Variants in SEMA3D observed in about 807,000 individuals in gnomAD.
SEMA3D encodes semaphorin-3D.
A neutral mutation model predicts 100.1 loss-of-function variants in SEMA3D; 84 were observed. The ratio of observed to expected loss-of-function variants is 0.84; its 90% CI spans 0.70 to 1.01. The LOEUF (loss-of-function observed/expected upper bound fraction) is 1.01. Among genes scored for constraint, SEMA3D ranks in the 50% least tolerant of loss-of-function variants. The pLI is 0.00. For missense variants in SEMA3D, 875 were observed against 934.1 expected (o/e 0.94, Z 0.82); for synonymous variants, 312 against 320.7 (o/e 0.97, Z 0.29).
In SEMA3D at chr7:85,121,830, G is replaced by A. The variant is rs1160055989; in HGVS notation, c.62C>T (p.Ala21Val). The A allele has an allele frequency of 1.2e-6, 2 of 1,608,572 alleles. No homozygotes were observed. Among genetic ancestry groups the A allele is most frequent in the South Asian group, 1.1e-5 (1 of 89,734 alleles). Residue 21 changes from alanine to valine, a missense_variant, in exon 3 of 19, where the codon GCT becomes GTT. Coordinates refer to ENST00000284136, the MANE Select transcript of SEMA3D (RefSeq NM_001384900.1). ...ARSQDFHLFP[A>V]LMMLSMTMLF... ...CATGGTCATGCTTAGCATCATCAAAGCAGGAAAAAGGTGAAAATCTTGGCT... is the reference window on the plus strand; with the variant it reads ...CATGGTCATGCTTAGCATCATCAAAACAGGAAAAAGGTGAAAATCTTGGCT...
the SEMA3D span, among the ~76,000 whole-genome samples, chr7:85,193,069 G>A: frequency 1.3e-5 from 2 of 152,026 alleles, no homozygotes; most frequent in Non-Finnish European, 2.9e-5. Context: ...ATCCCAACAA[G>A]AAGTAAAAAA....
At chr7:85,018,385 G>C in intron 14 of SEMA3D, 92 bp from the exon 15 acceptor site, 1 of 776,830 alleles carries the variant, frequency 1.3e-6, no homozygotes, top group South Asian at 1.5e-5. Flanking sequence ...ATATATCACT[G>C]AAGTAAACAT....
intron 1 of SEMA3D, among the ~76,000 whole-genome samples, chr7:85,169,761 T>G (rs969564757): frequency 6.6e-6 from 1 of 151,786 alleles, no homozygotes; most frequent in African/African-American, 2.4e-5. Context: ...TTTTCAAAAC[T>G]CTACTTACAT....
At chr7:85,120,976 T>C (rs1039137374) in intron 3 of SEMA3D, among the ~76,000 whole-genome samples, 5 of 152,310 alleles carry the variant, frequency 3.3e-5, no homozygotes, top group Non-Finnish European at 5.9e-5. Context: ...GTATTTCGTT[T>C]GTCTATAAAA....
chr7:85,200,414 T>C, the SEMA3D span, among the ~76,000 whole-genome samples: 1 of 152,198 alleles, frequency 6.6e-6, no homozygotes, highest in Non-Finnish European at 1.5e-5. Flanking sequence ...ACTCTTGTTA[T>C]GTTTTAGCAA....
intron 12 of SEMA3D, among the ~76,000 whole-genome samples, chr7:85,032,159 C>T (rs1364979129): frequency 6.6e-6 from 1 of 151,860 alleles, no homozygotes; most frequent in African/African-American, 2.4e-5. Flanking sequence ...TGGTCTTTAT[C>T]ATTCACTCCA....
At chr7:85,229,628 A>C in the SEMA3D span, among the ~76,000 whole-genome samples, 1 of 152,206 alleles carries the variant, frequency 6.6e-6, no homozygotes, top group Non-Finnish European at 1.5e-5. Flanking sequence ...AAAATGAATA[A>C]AATTTCAGTC....
chr7:85,034,341 T>A (rs1790631745), intron 12 of SEMA3D, among the ~76,000 whole-genome samples: 1 of 152,104 alleles, frequency 6.6e-6, no homozygotes, highest in Non-Finnish European at 1.5e-5. Flanking sequence ...GCATGGTGGC[T>A]CACACCTGTA....
At chr7:85,002,793 G>C (rs1214494845) in intron 18 of SEMA3D, among the ~76,000 whole-genome samples, 46 of 151,974 alleles carry the variant, frequency 3.0e-4, no homozygotes, top group Non-Finnish European at 4.4e-5. Context: ...TAGATCTTCA[G>C]TGAAGGGCAA....
intron 3 of SEMA3D, among the ~76,000 whole-genome samples, chr7:85,107,131 T>C (rs1456120492): frequency 6.6e-6 from 1 of 152,120 alleles, no homozygotes; most frequent in African/African-American, 2.4e-5. Flanking sequence ...TGTATATATG[T>C]GTAAAACTGA....
At chr7:85,167,019 A>C in intron 1 of SEMA3D, among the ~76,000 whole-genome samples, 1 of 152,074 alleles carries the variant, frequency 6.6e-6, no homozygotes, top group African/African-American at 2.4e-5. Context: ...CTTTAATTGA[A>C]AAAATGTCCT....
chr7:85,239,919 C>G, the SEMA3D span, among the ~76,000 whole-genome samples: 24 of 152,200 alleles, frequency 1.6e-4, no homozygotes, highest in African/African-American at 5.3e-4. Context: ...AAGTTATTTT[C>G]TGGATTCTTT....
chr7:85,210,844 T>C, the SEMA3D span, among the ~76,000 whole-genome samples: 33 of 152,178 alleles, frequency 2.2e-4, no homozygotes, highest in African/African-American at 7.5e-4. Context: ...ATTTGACTTA[T>C]TACTTACTAT....
At chr7:85,142,443 T>C (rs1790079595) in intron 2 of SEMA3D, 2 of 952,724 alleles carry the variant, frequency 2.1e-6, no homozygotes, top group South Asian at 9.7e-5. Flanking sequence ...ATAATTTATT[T>C]ATAAAAGACA....
At chr7:85,089,446 G>C (rs1788315160) in intron 4 of SEMA3D, among the ~76,000 whole-genome samples, 1 of 122,372 alleles carries the variant, frequency 8.2e-6, no homozygotes, top group Non-Finnish European at 1.6e-5. Flanking sequence ...CGCAATAAGT[G>C]CTATTTTGTT....
intron 12 of SEMA3D, among the ~76,000 whole-genome samples, chr7:85,035,916 G>A (rs1486293002): frequency 1.3e-5 from 2 of 151,992 alleles, no homozygotes; most frequent in African/African-American, 4.8e-5. Context: ...TGGTTGTATA[G>A]CATACTTCCC....
At chr7:85,174,956 T>C (rs1229206694) in intron 1 of SEMA3D, among the ~76,000 whole-genome samples, 1 of 152,076 alleles carries the variant, frequency 6.6e-6, no homozygotes, top group East Asian at 1.9e-4. Context: ...CTCATCCTAA[T>C]ACACTATCAA....
the SEMA3D span, among the ~76,000 whole-genome samples, chr7:85,242,413 T>C: frequency 3.2e-4 from 48 of 152,348 alleles, 1 homozygote; most frequent in Non-Finnish European, 4.1e-4. Context: ...GTCTCTGAGA[T>C]ATTTTTTATT....
At chr7:85,205,001 T>A in the SEMA3D span, among the ~76,000 whole-genome samples, 1 of 152,152 alleles carries the variant, frequency 6.6e-6, no homozygotes, top group Admixed American at 6.6e-5. Context: ...AGATGCTATC[T>A]CAATGTGGTT....
Sources: allele counts gnomAD v4.1 joint callset (sites outside exome capture counted in the v4.1 genomes callset), GRCh38; gene constraint gnomAD v4.1.1; transcripts MANE v1.5; gene names NCBI Gene and HGNC (gene_info 2026-07-23, HGNC 2026-07-21).